The following TRIQK variants were observed in gnomAD, a reference collection of about 807,000 sequenced individuals.
TRIQK encodes the protein triple QxxK/R motif containing.
TRIQK carries 10 observed loss-of-function variants against 10.8 expected under a neutral mutation model. The observed-to-expected ratio is 0.92, with a 90% CI of 0.57 to 1.57. The LOEUF (loss-of-function observed/expected upper bound fraction) is 1.57, where lower values mean the gene tolerates loss of function less well. TRIQK is among the 40% of genes most tolerant of loss of function. The pLI, the probability that TRIQK is intolerant of heterozygous loss-of-function variation, is 0.00. For synonymous variants in TRIQK, 33 were observed against 33.7 expected, an observed-to-expected ratio of 0.98 and a Z score of 0.07; for missense variants, 107 against 97.7, an observed-to-expected ratio of 1.09 and a Z score of -0.40.
chr8:92,997,954 A>C (rs1319213980), intron 1 of TRIQK, among the ~76,000 whole-genome samples: 3 of 152,086 alleles, frequency 2.0e-5, no homozygotes, highest in Non-Finnish European at 2.9e-5. Flanking sequence ...AGTGAAATTT[A>C]GAAGTGTTAT....
intron 1 of TRIQK, among the ~76,000 whole-genome samples, chr8:93,004,656 C>A (rs565474056): frequency 6.6e-6 from 1 of 152,300 alleles, no homozygotes; most frequent in Admixed American, 6.5e-5. Context: ...TGTTTCAGGT[C>A]ATGCAAATGA....
At chr8:92,942,868 G>C (rs1385801945) in intron 2 of TRIQK, among the ~76,000 whole-genome samples, 1 of 151,936 alleles carries the variant, frequency 6.6e-6, no homozygotes, top group African/African-American at 2.4e-5. Flanking sequence ...CTAATTTTTT[G>C]TATTTTAGTA....
At chr8:92,988,723 C>G (rs1342382453) in intron 1 of TRIQK, among the ~76,000 whole-genome samples, 6 of 152,146 alleles carry the variant, frequency 3.9e-5, no homozygotes, top group African/African-American at 1.4e-4. Context: ...GTTTTGTTAT[C>G]TCATTACATC....
At chr8:93,007,648 C>A (rs533498443) in intron 1 of TRIQK, among the ~76,000 whole-genome samples, 8 of 152,296 alleles carry the variant, frequency 5.3e-5, no homozygotes, top group African/African-American at 1.7e-4. Flanking sequence ...TTTACAGCAG[C>A]TGTTAACCAG....
intron 2 of TRIQK, 97 bp downstream of exon 2, chr8:92,954,309 C>T (rs972330910): frequency 6.6e-6 from 1 of 151,748 alleles, no homozygotes; most frequent in Non-Finnish European, 1.5e-5. Context: ...AGGTTCATTG[C>T]CAGAAAAAAA....
intron 1 of TRIQK, among the ~76,000 whole-genome samples, chr8:92,979,452 A>G (rs1812964070): frequency 6.6e-6 from 1 of 152,104 alleles, no homozygotes; most frequent in Non-Finnish European, 1.5e-5. Flanking sequence ...TAAGCATATC[A>G]CCAGATATGG....
rs1377255844 is a variant in TRIQK, at chr8:92,892,010, C to G, written c.126G>C (p.Lys42Asn). ...TTACCTTTATGCCTATTGCTGTTTT[C>G]TTTGCTTCTGCTTTTAATTTGGTTG... ...LRATKLKAEA[K>N]KTAIGIKEVG... The change falls in exon 4 of 5, where the codon AAG (lysine) becomes AAC (asparagine). Residue 42 changes from lysine to asparagine, a missense_variant. Transcript: ENST00000521988. 2.6e-6 allele frequency: 4 copies of G among 1,533,144 alleles called. No homozygotes were observed. In the African/African-American group the frequency reaches 5.5e-5, roughly 21 times the overall value. 95.0% of individuals were successfully genotyped at this position (1,533,144 alleles called of 1,614,324 possible). A position where few individuals can be genotyped will look rare whatever the true frequency, so the allele number is the denominator to read the frequency against.
intron 3 of TRIQK, among the ~76,000 whole-genome samples, chr8:92,911,896 T>A (rs1809590220): frequency 7.2e-6 from 1 of 138,216 alleles, no homozygotes; most frequent in Admixed American, 7.2e-5. Context: ...TATATGTGTG[T>A]GTAGACATAT....
At chr8:92,906,200 T>C (rs1372047333) in intron 3 of TRIQK, among the ~76,000 whole-genome samples, 1 of 152,232 alleles carries the variant, frequency 6.6e-6, no homozygotes, top group East Asian at 1.9e-4. Context: ...ACGATACTAG[T>C]TCTCCTGAAT....
intron 4 of TRIQK, among the ~76,000 whole-genome samples, chr8:92,889,841 C>G (rs1282472184): frequency 6.6e-6 from 1 of 151,640 alleles, no homozygotes; most frequent in African/African-American, 2.4e-5. Flanking sequence ...GGATTCTAGG[C>G]CTCCTTATCC....
intron 1 of TRIQK, chr8:92,960,435 C>T (rs888270170): frequency 2.9e-4 from 44 of 152,098 alleles, no homozygotes; most frequent in African/African-American, 8.9e-4. Context: ...TTGTGATAGG[C>T]AAAATAATGT....
chr8:92,915,501 T>C (rs922683911), intron 3 of TRIQK, among the ~76,000 whole-genome samples: 1 of 151,782 alleles, frequency 6.6e-6, no homozygotes, highest in South Asian at 2.1e-4. Flanking sequence ...TTTTTTTTTT[T>C]GAGATGGAGT....
intron 1 of TRIQK, among the ~76,000 whole-genome samples, chr8:92,961,473 G>T (rs1237391665): frequency 6.6e-6 from 1 of 152,090 alleles, no homozygotes; most frequent in African/African-American, 2.4e-5. Context: ...GCTCAAGCAT[G>T]TTGTTCAAAA....
intron 2 of TRIQK, chr8:92,953,523 T>G (rs1812012929): frequency 6.6e-6 from 1 of 152,022 alleles, no homozygotes; most frequent in Non-Finnish European, 1.5e-5. Context: ...GGTGAAATTT[T>G]AATAACGACC....
chr8:92,962,020 A>T (rs1180617328), intron 1 of TRIQK, among the ~76,000 whole-genome samples: 1 of 152,182 alleles, frequency 6.6e-6, no homozygotes, highest in East Asian at 1.9e-4. Context: ...CGAATTAAGT[A>T]GGAATCATTT....
chr8:92,991,718 CTGTT>C (rs1278447982), intron 1 of TRIQK, among the ~76,000 whole-genome samples: 4 of 152,186 alleles, frequency 2.6e-5, no homozygotes, highest in Non-Finnish European at 1.5e-5. Flanking sequence ...CAAATTGTCT[CTGTT>C]TGCAGATGAC....
intron 2 of TRIQK, among the ~76,000 whole-genome samples, chr8:92,942,046 G>A (rs1043669215): frequency 6.6e-6 from 1 of 152,108 alleles, no homozygotes; most frequent in Non-Finnish European, 1.5e-5. Context: ...AATAATTGAA[G>A]AGGAGGGAAT....
chr8:92,946,056 TCTA>T (rs1360812141), intron 2 of TRIQK, among the ~76,000 whole-genome samples: 1 of 152,054 alleles, frequency 6.6e-6, no homozygotes, highest in African/African-American at 2.4e-5. Flanking sequence ...TTAATGAAAG[TCTA>T]CTACATTTCC....
chr8:93,012,983 A>G (rs1458933536), intron 1 of TRIQK, among the ~76,000 whole-genome samples: 3 of 152,154 alleles, frequency 2.0e-5, no homozygotes, highest in Admixed American at 6.5e-5. Flanking sequence ...GCTGAAAACC[A>G]CTGGTGTAGT....
Sources: gnomAD v4.1 joint callset for allele counts (sites outside exome capture counted in the v4.1 genomes callset) on GRCh38, gnomAD v4.1.1 for gene constraint, MANE v1.5 for transcripts, NCBI Gene and HGNC (gene_info 2026-07-23, HGNC 2026-07-21) for gene names.